AASS: variants seen among roughly 807,000 people sequenced by gnomAD.
The protein encoded by AASS is aminoadipate-semialdehyde synthase, also known as alpha-aminoadipic semialdehyde synthase, mitochondrial.
Under a neutral mutation model 105.4 loss-of-function variants are expected in AASS, and 86 were observed. That is an observed-to-expected ratio of 0.82 (90% CI 0.69 to 0.98). AASS has a LOEUF of 0.98. Among genes scored for constraint, AASS ranks in the 50% least tolerant of loss-of-function variants. The pLI, the probability that AASS is intolerant of heterozygous loss-of-function variation, is 0.00. For synonymous variants in AASS, 381 were observed against 394.8 expected (o/e 0.96, Z 0.41); for missense variants, 1,048 against 1,143.2 (o/e 0.92, Z 1.20).
chr7:122,137,296 C>T (rs1796189945), intron 1 of AASS, among the ~76,000 whole-genome samples: 2 of 152,110 alleles, frequency 1.3e-5, no homozygotes, highest in Non-Finnish European at 2.9e-5. Context: ...AAGCAGGATT[C>T]CTAGTTTAAT....
In AASS at chr7:122,079,726, G is replaced by A. The variant is rs1793221253; in HGVS notation, c.2281-14C>T. On this transcript the variant is annotated splice_polypyrimidine_tract_variant and intron_variant, in intron 20 of 23. Coordinates refer to ENST00000417368, the MANE Select transcript of AASS (RefSeq NM_005763.4). ...GAGGAGTTGTTTCTGGTTAGAAAAA[G>A]AAATACAATATTTCTAAGTCCCTAA... 3 of 1,582,002 alleles carry A rather than the reference G, an allele frequency of 1.9e-6. No homozygotes were observed. The highest frequency in any genetic ancestry group is 2.6e-6 in the Non-Finnish European group (3 of 1,151,236).
At chr7:122,143,236 CA>C (rs1796482767) in intron 1 of AASS, among the ~76,000 whole-genome samples, 1 of 152,128 alleles carries the variant, frequency 6.6e-6, no homozygotes, top group Non-Finnish European at 1.5e-5. Context: ...CTCACAGCTG[CA>C]CCTTCCCCAC....
chr7:122,083,190 G>T (rs777659925), intron 19 of AASS, among the ~76,000 whole-genome samples: 2 of 152,062 alleles, frequency 1.3e-5, no homozygotes, highest in African/African-American at 4.8e-5. Flanking sequence ...AGGTTATATT[G>T]TTCAAACTGT....
intron 18 of AASS, among the ~76,000 whole-genome samples, chr7:122,090,985 G>A (rs1328086055): frequency 6.6e-6 from 1 of 151,686 alleles, no homozygotes; most frequent in Non-Finnish European, 1.5e-5. Flanking sequence ...TCTCCCATCT[G>A]TAGCTCTGAG....
In AASS at chr7:122,116,936, C is replaced by A. The variant is rs760852526; in HGVS notation, c.709G>T (p.Glu237Ter). 15 of 1,613,768 alleles carry A rather than the reference C, an allele frequency of 9.3e-6. No homozygotes were observed. The highest frequency in any genetic ancestry group is 1.3e-5 in the Non-Finnish European group (15 of 1,179,962). ...GGCTCCACATATTCACAAGGTAGCT[C>A]ATTAAAGATTGCTTGGGCTCCCTAC... is the stretch of plus-strand genomic sequence containing the variant. ...VSKGAQAIFN[E>*]LPCEYVEPHE... Residue 237 changes from glutamate to a stop codon, truncating the protein, a stop_gained, in exon 7 of 24, where the codon GAG (glutamate) becomes TAG (stop). Coordinates refer to ENST00000417368, the MANE Select transcript of AASS (RefSeq NM_005763.4). LOFTEE classifies it high-confidence loss of function.
chr7:122,101,407 T>C lies in AASS; in HGVS notation c.1370A>G (p.Asp457Gly). ...AVITSNGTLP[D>G]KYKYIQTLRE... The stretch of plus-strand genomic sequence containing the variant: ...GAGTGTCTGGATATATTTATATTTA[T>C]CAGGTAATGTACCGTTGGATGTAAT... The change falls in exon 13 of 24, where the codon GAT becomes GGT. Residue 457 changes from aspartate to glycine, a missense_variant. Transcript: ENST00000417368. The C allele has an allele frequency of 6.2e-7, 1 of 1,610,428 alleles. No homozygotes were observed. The highest frequency in any genetic ancestry group is 8.5e-7 in the Non-Finnish European group (1 of 1,177,200).
At chr7:122,082,701 C>T (rs537992021) in intron 19 of AASS, 156 of 676,462 alleles carry the variant, frequency 2.3e-4, no homozygotes, top group Middle Eastern at 5.6e-4. Flanking sequence ...TCACCACTGA[C>T]GACTAAACTG....
intron 4 of AASS, among the ~76,000 whole-genome samples, chr7:122,120,502 A>AC (rs1371917106): frequency 6.6e-6 from 1 of 151,664 alleles, no homozygotes. Flanking sequence ...TTTTCAGAGA[A>AC]CCAGGTTTTG....
chr7:122,086,036 C>T lies in AASS; in HGVS notation c.2160G>A (p.Leu720=), dbSNP rs764014792. 6.8e-6 allele frequency: 11 copies of T among 1,613,600 alleles called. No homozygotes were observed. The highest frequency in any genetic ancestry group is 9.3e-6 in the Non-Finnish European group (11 of 1,179,738). Residue 720 remains leucine, a synonymous_variant, in exon 19 of 24, where the codon TTG becomes TTA. Coordinates refer to ENST00000417368, the MANE Select transcript of AASS (RefSeq NM_005763.4). ...CCTTATATCTCAGTGTCCCCCGCAA[C>T]AAAGTGTGAGCAGAAGAAATGCCAT... is the stretch of plus-strand genomic sequence containing the variant. ...EIYGISSAHT[L]LRGTLRYKGY...
intron 11 of AASS, among the ~76,000 whole-genome samples, chr7:122,102,519 G>A (rs1009008688): frequency 6.6e-6 from 1 of 152,006 alleles, no homozygotes; most frequent in African/African-American, 2.4e-5. Flanking sequence ...TATAGGTTAA[G>A]ATCTAGCTCT....
Position 122,101,357 on chromosome 7 carries a change from T to G in AASS, c.1406+14A>C, listed in dbSNP as rs3213700. On this transcript the variant is annotated intron_variant, in intron 13 of 23. Coordinates refer to ENST00000417368, the MANE Select transcript of AASS (RefSeq NM_005763.4). ...AATAAATGTATAAAACAAGAGGATT[T>G]GAACAATACTTACCTGCTCTCCCGG... is the stretch of plus-strand genomic sequence containing the variant. 2.8e-4 allele frequency: 446 copies of G among 1,588,304 alleles called. 3 individuals are homozygous for G. The East Asian group carries it at 7.2e-3, about 26-fold the overall frequency.
At position 122,086,026 on chromosome 7, in the gene AASS, TC is replaced by T. The variant is rs1239502048; in HGVS notation, c.2169del (p.Thr724HisfsTer2). ...GISSAHTLLR[G>X]TLRYKGYMKA... Reference sequence around the variant, plus strand: ...CAGCTGCTTACCTTATATCTCAGTGTCCCCCGCAACAAAGTGTGAGCAGAAG... The same window carrying T: ...CAGCTGCTTACCTTATATCTCAGTGTCCCCGCAACAAAGTGTGAGCAGAAG... On this transcript the variant is annotated frameshift_variant, in exon 19 of 24. Coordinates refer to ENST00000417368, the MANE Select transcript of AASS (RefSeq NM_005763.4). LOFTEE classifies it high-confidence loss of function. 1.2e-6 allele frequency: 2 copies of T among 1,613,478 alleles called. No homozygotes were observed. The highest frequency in any genetic ancestry group is 1.7e-6 in the Non-Finnish European group (2 of 1,179,684).
At chr7:122,095,705 TCA>T (rs1794120955) in intron 15 of AASS, among the ~76,000 whole-genome samples, 1 of 152,064 alleles carries the variant, frequency 6.6e-6, no homozygotes, top group South Asian at 2.1e-4. Flanking sequence ...TTTATCAGTA[TCA>T]AAAGCTCCTG....
Position 122,115,002 on chromosome 7 carries a change from T to C in AASS, c.1043+72A>G, listed in dbSNP as rs563654320. 1.7e-5 allele frequency: 28 copies of C among 1,600,860 alleles called. No homozygotes were observed. The East Asian group carries it at 6.3e-4, about 36-fold the overall frequency. On this transcript the variant is annotated intron_variant, in intron 9 of 23. Transcript: ENST00000417368. ...TCATTAGAAATCAAGTCCTCTGATATGTGATATTTGATCCTCTAATAATGG... is the reference window on the plus strand; with the variant it reads ...TCATTAGAAATCAAGTCCTCTGATACGTGATATTTGATCCTCTAATAATGG...
intron 9 of AASS, among the ~76,000 whole-genome samples, chr7:122,114,454 T>TATTA (rs545794905): frequency 6.6e-6 from 1 of 152,208 alleles, no homozygotes; most frequent in East Asian, 1.9e-4. Context: ...CTTCCACAAA[T>TATTA]ATTAATTAAT....
chr7:122,099,218 T>C (rs1164539940), intron 13 of AASS, among the ~76,000 whole-genome samples: 1 of 151,948 alleles, frequency 6.6e-6, no homozygotes, highest in Non-Finnish European at 1.5e-5. Context: ...TCTCACATTT[T>C]ATCCTTCCAG....
chr7:122,076,502 G>A lies in AASS; in HGVS notation c.2768C>T (p.Thr923Ile). The change falls in exon 24 of 24, where the codon ACA becomes ATA. Residue 923 changes from threonine (T) to isoleucine (I), a missense_variant. Transcript: ENST00000417368. ...TATAATTCCCAATTATGGTTTAATT[G>A]TACTCTGTGTAGTATATATAATGCC... ...AEGIIYTTQS[T>I]IKP 2.5e-6 allele frequency: 4 copies of A among 1,609,226 alleles called. No individual in the cohort carries two copies. The highest frequency in any genetic ancestry group is 3.4e-6 in the Non-Finnish European group (4 of 1,175,610).
Position 122,116,954 on chromosome 7 carries a change from C to A in AASS, c.691G>T (p.Ala231Ser), listed in dbSNP as rs201976194. 2 of 1,613,516 alleles carry A rather than the reference C, an allele frequency of 1.2e-6. No individual in the cohort carries two copies. Among genetic ancestry groups the A allele is most frequent in the Non-Finnish European group, 1.7e-6 (2 of 1,179,812 alleles). Reference protein sequence around the residue: ...FTGTGNVSKGAQAIFNELPCE... With the variant: ...FTGTGNVSKGSQAIFNELPCE... ...GGTAGCTCATTAAAGATTGCTTGGG[C>A]TCCCTACAAATAACACATGAGTAAA... Residue 231 changes from alanine (A) to serine (S), a missense_variant, in exon 7 of 24, where the codon GCC (alanine) becomes TCC (serine). Coordinates refer to ENST00000417368, the MANE Select transcript of AASS (RefSeq NM_005763.4).
intron 4 of AASS, among the ~76,000 whole-genome samples, chr7:122,122,235 C>G (rs775641524): frequency 6.6e-6 from 1 of 151,662 alleles, no homozygotes; most frequent in Non-Finnish European, 1.5e-5. Flanking sequence ...GGGAATGTTC[C>G]GGTCATGATT....
Sources: gnomAD v4.1 joint callset for allele counts (sites outside exome capture counted in the v4.1 genomes callset) on GRCh38, gnomAD v4.1.1 for gene constraint, MANE v1.5 for transcripts, NCBI Gene and HGNC (gene_info 2026-07-23, HGNC 2026-07-21) for gene names.